AGBL4: variants seen among roughly 807,000 people sequenced by gnomAD.
The protein encoded by AGBL4 is AGBL carboxypeptidase 4.
AGBL4 carries 58 observed loss-of-function variants against 66.4 expected under a neutral mutation model. That is an observed-to-expected ratio of 0.87 (90% CI 0.71 to 1.09). The LOEUF is 1.09. AGBL4 is among the 50% of genes least tolerant of loss of function. AGBL4 has a pLI of 0.00. For synonymous variants in AGBL4, 234 were observed against 222.9 expected (o/e 1.05, Z -0.44); for missense variants, 579 against 631.0 (o/e 0.92, Z 0.88).
At chr1:49,130,387 C>G (rs1185597625) in intron 4 of AGBL4, among the ~76,000 whole-genome samples, 2 of 152,116 alleles carry the variant, frequency 1.3e-5, no homozygotes, top group Non-Finnish European at 2.9e-5. Context: ...AAGTCCTTGC[C>G]CATGCCTATG....
chr1:48,988,554 A>G (rs1376256033), intron 5 of AGBL4, among the ~76,000 whole-genome samples: 2 of 152,192 alleles, frequency 1.3e-5, no homozygotes, highest in African/African-American at 4.8e-5. Context: ...TAAGACAGCA[A>G]GCAGATTGCC....
chr1:48,921,495 ATT>A (rs891009684), intron 5 of AGBL4, among the ~76,000 whole-genome samples: 1 of 152,206 alleles, frequency 6.6e-6, no homozygotes. Context: ...CACCTTTGTT[ATT>A]TAGTAGCTAT....
intron 1 of AGBL4, among the ~76,000 whole-genome samples, chr1:49,917,161 G>A (rs557820330): frequency 5.3e-5 from 8 of 152,238 alleles, no homozygotes; most frequent in Non-Finnish European, 8.8e-5. Context: ...TTGATGCTAG[G>A]AAGAAATTGC....
chr1:49,935,336 C>T (rs1653858032), intron 1 of AGBL4, among the ~76,000 whole-genome samples: 1 of 152,220 alleles, frequency 6.6e-6, no homozygotes, highest in African/African-American at 2.4e-5. Context: ...CCGGGAAGCT[C>T]GAACTGGGTG....
At chr1:49,577,218 T>C (rs1261118590) in intron 3 of AGBL4, among the ~76,000 whole-genome samples, 1 of 152,226 alleles carries the variant, frequency 6.6e-6, no homozygotes, top group Non-Finnish European at 1.5e-5. Flanking sequence ...AGGAGGATTT[T>C]AATAATCAGG....
At chr1:49,707,367 C>CTTTTTTTT (rs34368394) in intron 2 of AGBL4, among the ~76,000 whole-genome samples, 3 of 76,220 alleles carry the variant, frequency 3.9e-5, no homozygotes, top group South Asian at 5.3e-4. Flanking sequence ...GCAACCCCTG[C>CTTTTTTTT]TTTTTTTTTT....
chr1:49,261,060 C>T (rs1355564000), intron 3 of AGBL4, among the ~76,000 whole-genome samples: 1 of 152,044 alleles, frequency 6.6e-6, no homozygotes, highest in Admixed American at 6.6e-5. Flanking sequence ...ACAAAAACCA[C>T]ATGATTATCT....
At chr1:48,764,187 C>T (rs180974938) in intron 6 of AGBL4, among the ~76,000 whole-genome samples, 44 of 152,270 alleles carry the variant, frequency 2.9e-4, no homozygotes, top group African/African-American at 9.9e-4. Context: ...AGATCACTTC[C>T]GTCAGTGTAA....
At chr1:48,995,193 A>T in intron 5 of AGBL4, among the ~76,000 whole-genome samples, 1 of 152,286 alleles carries the variant, frequency 6.6e-6, no homozygotes, top group African/African-American at 2.4e-5. Context: ...TCACCTGGCT[A>T]AAACCAACCT....
chr1:48,586,782 C>T (rs979488328), intron 11 of AGBL4: 1 of 541,266 alleles, frequency 1.8e-6, no homozygotes, highest in Non-Finnish European at 3.3e-6. Flanking sequence ...GTCCGGCTGG[C>T]CTGGGAAAGA....
In AGBL4 at chr1:48,736,963, A is replaced by G. The variant is rs1280850442; in HGVS notation, c.635-73722T>C. Among the ~76,000 whole-genome samples, 4 of 152,154 alleles carry G rather than the reference A, an allele frequency of 2.6e-5. No homozygotes were observed. Among genetic ancestry groups the G allele is most frequent in the African/African-American group, 9.7e-5 (4 of 41,430 alleles). Reference sequence around the variant, plus strand: ...TGGTGGTTCTCAACCTTGGCTGCACACAGGGGTCACCTAGGGAGCTGTAAA... The same window carrying G: ...TGGTGGTTCTCAACCTTGGCTGCACGCAGGGGTCACCTAGGGAGCTGTAAA... On this transcript the variant is annotated intron_variant, in intron 6 of 13. Transcript: ENST00000371839. The surrounding 1 kb of genome is among the most constrained non-coding windows in gnomAD (Gnocchi z 4.0).
chr1:48,989,845 T>C (rs1660471378), intron 5 of AGBL4, among the ~76,000 whole-genome samples: 1 of 151,938 alleles, frequency 6.6e-6, no homozygotes, highest in Admixed American at 6.6e-5. Flanking sequence ...ATGGGATATG[T>C]TTGTTTCAGA....
intron 3 of AGBL4, among the ~76,000 whole-genome samples, chr1:49,478,791 T>C (rs2148722985): frequency 6.6e-6 from 1 of 152,094 alleles, no homozygotes; most frequent in Admixed American, 6.5e-5. Context: ...TTTCAAGACA[T>C]AGACGATGCA....
At chr1:48,789,414 G>C (rs986375107) in intron 6 of AGBL4, among the ~76,000 whole-genome samples, 1 of 151,756 alleles carries the variant, frequency 6.6e-6, no homozygotes, top group Non-Finnish European at 1.5e-5. Flanking sequence ...TCAGCCTCCC[G>C]AGTAACTGGG....
chr1:49,085,755 T>C (rs1276295911), intron 4 of AGBL4, among the ~76,000 whole-genome samples: 1 of 152,044 alleles, frequency 6.6e-6, no homozygotes, highest in Non-Finnish European at 1.5e-5. Flanking sequence ...CCCTGGGGGA[T>C]TCATACTCTC....
At chr1:49,540,511 T>A (rs183061774) in intron 3 of AGBL4, among the ~76,000 whole-genome samples, 1 of 152,162 alleles carries the variant, frequency 6.6e-6, no homozygotes, top group African/African-American at 2.4e-5. Flanking sequence ...TTATTATTCA[T>A]CTCTAAATCC....
At chr1:48,574,592 T>C (rs774996343) in intron 11 of AGBL4, among the ~76,000 whole-genome samples, 3 of 150,698 alleles carry the variant, frequency 2.0e-5, no homozygotes, top group African/African-American at 4.9e-5. Context: ...CTCTCTCCTC[T>C]CCACTGACTC....
intron 3 of AGBL4, among the ~76,000 whole-genome samples, chr1:49,377,732 A>G (rs1451189683): frequency 6.6e-6 from 1 of 152,082 alleles, no homozygotes; most frequent in Non-Finnish European, 1.5e-5. Flanking sequence ...AGCAATGCAA[A>G]GAGGGCCAGG....
chr1:49,232,086 G>T (rs768449461), intron 4 of AGBL4, among the ~76,000 whole-genome samples: 1 of 152,108 alleles, frequency 6.6e-6, no homozygotes, highest in Non-Finnish European at 1.5e-5. Context: ...GGGTAAGTGG[G>T]AGTAGCTACT....
Sources: gnomAD v4.1 joint callset for allele counts (sites outside exome capture counted in the v4.1 genomes callset) on GRCh38, gnomAD v4.1.1 for gene constraint, Gnocchi (gnomAD v3.1) non-coding constraint, MANE v1.5 for transcripts, NCBI Gene and HGNC (gene_info 2026-07-23, HGNC 2026-07-21) for gene names.